The following DLG2 variants were observed in gnomAD, a reference collection of about 807,000 sequenced individuals.
The protein encoded by DLG2 is disks large homolog 2.
Under a neutral mutation model 132.5 loss-of-function variants are expected in DLG2, and 45 were observed. That is an observed-to-expected ratio of 0.34 (90% CI 0.27 to 0.44). DLG2 has a LOEUF of 0.44. Among genes scored for constraint, DLG2 ranks in the 20% least tolerant of loss-of-function variants. The probability of loss-of-function intolerance (pLI) is 1.00; values close to 1 mark genes in which losing one functional copy is unlikely to be tolerated. For missense variants in DLG2, 1,045 were observed against 1,196.9 expected (o/e 0.87, Z 1.87); for synonymous variants, 424 against 419.6 (o/e 1.01, Z -0.13).
chr11:84,454,631 A>T (rs1306068951), intron 7 of DLG2, among the ~76,000 whole-genome samples: 1 of 151,598 alleles, frequency 6.6e-6, no homozygotes, highest in Admixed American at 6.6e-5. Flanking sequence ...TATTGTATTT[A>T]TAAAATGAAA....
At chr11:85,036,969 C>A (rs962755005) in intron 6 of DLG2, among the ~76,000 whole-genome samples, 9 of 152,096 alleles carry the variant, frequency 5.9e-5, no homozygotes, top group Non-Finnish European at 1.3e-4. Flanking sequence ...CTCAGAAGTA[C>A]CCCCAGGACT....
At chr11:84,791,764 C>T (rs891230545) in intron 6 of DLG2, among the ~76,000 whole-genome samples, 1 of 151,884 alleles carries the variant, frequency 6.6e-6, no homozygotes, top group Non-Finnish European at 1.5e-5. Flanking sequence ...GAAATGCTAC[C>T]GATTTTTGTA....
intron 6 of DLG2, among the ~76,000 whole-genome samples, chr11:84,567,765 C>T (rs998251881): frequency 6.6e-6 from 1 of 152,152 alleles, no homozygotes; most frequent in Non-Finnish European, 1.5e-5. Flanking sequence ...AGGCTCTATT[C>T]CTCCTTACGG....
intron 7 of DLG2, among the ~76,000 whole-genome samples, chr11:84,267,544 T>G (rs1227845228): frequency 6.6e-6 from 1 of 152,182 alleles, no homozygotes; most frequent in East Asian, 1.9e-4. Context: ...AGAAACTCAC[T>G]TGCACTGGCT....
At chr11:84,521,100 A>C (rs1565179191) in intron 7 of DLG2, among the ~76,000 whole-genome samples, 5 of 152,232 alleles carry the variant, frequency 3.3e-5, no homozygotes. Context: ...CAGAAGAGTT[A>C]AATAATGATG....
chr11:83,620,787 G>T (rs1242138905), intron 19 of DLG2, among the ~76,000 whole-genome samples: 1 of 140,744 alleles, frequency 7.1e-6, no homozygotes, highest in Admixed American at 7.6e-5. Context: ...GGAGAATGGC[G>T]TGAACCCAGG....
intron 4 of DLG2, among the ~76,000 whole-genome samples, chr11:85,228,220 G>A (rs2075089573): frequency 6.6e-6 from 1 of 152,042 alleles, no homozygotes; most frequent in Admixed American, 6.6e-5. Context: ...TTTATGGAAT[G>A]ACTAACTAGT....
chr11:84,920,579 A>C, intron 6 of DLG2, among the ~76,000 whole-genome samples: 1 of 152,220 alleles, frequency 6.6e-6, no homozygotes, highest in Non-Finnish European at 1.5e-5. Context: ...GCTTCTTAAA[A>C]GCAAGCACTG....
At chr11:84,844,894 T>C (rs1365201498) in intron 6 of DLG2, among the ~76,000 whole-genome samples, 3 of 152,274 alleles carry the variant, frequency 2.0e-5, no homozygotes, top group East Asian at 1.9e-4. Flanking sequence ...TCCCTGTTAC[T>C]TGAAGTGCAA....
chr11:84,893,958 T>C (rs776018532), intron 6 of DLG2, among the ~76,000 whole-genome samples: 6 of 152,162 alleles, frequency 3.9e-5, no homozygotes, highest in Admixed American at 1.3e-4. Context: ...ATAAATTATA[T>C]ACATAAGAAA....
chr11:84,106,658 T>C (rs1426337273), intron 9 of DLG2, among the ~76,000 whole-genome samples: 1 of 152,090 alleles, frequency 6.6e-6, no homozygotes. Flanking sequence ...CATTTGGGGA[T>C]TGGTAAATGT....
intron 12 of DLG2, among the ~76,000 whole-genome samples, chr11:83,972,585 C>T (rs2091534497): frequency 6.6e-6 from 1 of 152,032 alleles, no homozygotes; most frequent in Admixed American, 6.6e-5. Context: ...TCTCTATTCC[C>T]CTAGCTGATG....
chr11:84,902,928 C>T (rs1037042832), intron 6 of DLG2, among the ~76,000 whole-genome samples: 10 of 150,538 alleles, frequency 6.6e-5, no homozygotes, highest in Admixed American at 4.0e-4. Flanking sequence ...TTTTACTCCC[C>T]TAAATCTTTC....
At chr11:85,035,447 G>A (rs938592613) in intron 6 of DLG2, among the ~76,000 whole-genome samples, 4 of 152,100 alleles carry the variant, frequency 2.6e-5, no homozygotes, top group African/African-American at 9.7e-5. Context: ...GAAGGTGAAG[G>A]GAAAGCAAGG....
At chr11:84,760,832 C>T (rs552158245) in intron 6 of DLG2, among the ~76,000 whole-genome samples, 9 of 152,064 alleles carry the variant, frequency 5.9e-5, no homozygotes, top group African/African-American at 1.2e-4. Flanking sequence ...GACACTGGGC[C>T]GGCGACAGTC....
At chr11:84,400,727 A>C (rs2154446571) in intron 7 of DLG2, among the ~76,000 whole-genome samples, 1 of 151,324 alleles carries the variant, frequency 6.6e-6, no homozygotes, top group African/African-American at 2.4e-5. Flanking sequence ...AGCACACAGT[A>C]AAAAAAAATA....
chr11:84,654,897 T>C (rs1267751972), intron 6 of DLG2, among the ~76,000 whole-genome samples: 1 of 152,156 alleles, frequency 6.6e-6, no homozygotes, highest in African/African-American at 2.4e-5. Flanking sequence ...CCTCTCCATC[T>C]TTTGTCCTCA....
At chr11:84,835,934 T>G (rs546307983) in intron 6 of DLG2, among the ~76,000 whole-genome samples, 1 of 151,890 alleles carries the variant, frequency 6.6e-6, no homozygotes, top group African/African-American at 2.4e-5. Context: ...TAAATTTCTT[T>G]AGGCCTGCAA....
intron 18 of DLG2, among the ~76,000 whole-genome samples, chr11:83,740,086 T>A (rs1254396833): frequency 1.3e-5 from 2 of 152,196 alleles, no homozygotes; most frequent in Non-Finnish European, 2.9e-5. Context: ...TGGAAGTAAA[T>A]TCATCTTCAC....
Sources: allele counts gnomAD v4.1 joint callset (sites outside exome capture counted in the v4.1 genomes callset), GRCh38; gene constraint gnomAD v4.1.1; transcripts MANE v1.5; gene names NCBI Gene and HGNC (gene_info 2026-07-23, HGNC 2026-07-21).